RPS6KA2: variants seen among roughly 807,000 people sequenced by gnomAD.
The protein encoded by RPS6KA2 is ribosomal protein S6 kinase alpha-2.
RPS6KA2 carries 42 observed loss-of-function variants against 91.8 expected under a neutral mutation model. The observed-to-expected ratio is 0.46, with a 90% CI of 0.36 to 0.59. The LOEUF (loss-of-function observed/expected upper bound fraction) is 0.59, where lower values mean the gene tolerates loss of function less well. RPS6KA2 is among the 20% of genes least tolerant of loss of function. The probability of loss-of-function intolerance (pLI) is 0.00; values close to 1 mark genes in which losing one functional copy is unlikely to be tolerated. For missense variants in RPS6KA2, 798 were observed against 978.5 expected (o/e 0.82, Z 2.46); for synonymous variants, 414 against 393.6 (o/e 1.05, Z -0.61).
At chr6:166,860,579 T>C (rs573488959) in intron 1 of RPS6KA2, among the ~76,000 whole-genome samples, 1 of 152,284 alleles carries the variant, frequency 6.6e-6, no homozygotes, top group African/African-American at 2.4e-5. Flanking sequence ...GGGTCCCACC[T>C]GGAATTGTAA....
chr6:166,507,393 C>CAG (rs1382381103), intron 5 of RPS6KA2, among the ~76,000 whole-genome samples: 1 of 148,252 alleles, frequency 6.7e-6, no homozygotes, highest in African/African-American at 2.5e-5. Context: ...CACACACCCA[C>CAG]CCCACATCAC....
chr6:166,436,396 G>A (rs1016644146), intron 14 of RPS6KA2, among the ~76,000 whole-genome samples: 1 of 152,164 alleles, frequency 6.6e-6, no homozygotes, highest in Non-Finnish European at 1.5e-5. Context: ...GTTTGCAAAG[G>A]AGTAGAGTGG....
intron 2 of RPS6KA2, among the ~76,000 whole-genome samples, chr6:166,724,079 G>A (rs1024153339): frequency 6.6e-6 from 1 of 152,148 alleles, no homozygotes; most frequent in African/African-American, 2.4e-5. Flanking sequence ...TTTTCAGGGT[G>A]TGGATTTCTC....
intron 2 of RPS6KA2, among the ~76,000 whole-genome samples, chr6:166,744,650 G>A (rs1790929479): frequency 6.6e-6 from 1 of 152,196 alleles, no homozygotes; most frequent in Admixed American, 6.5e-5. Context: ...CTCCCGCGCT[G>A]CCCCTTCAGA....
At chr6:166,765,641 G>A (rs9347155) in intron 2 of RPS6KA2, among the ~76,000 whole-genome samples, 7,962 of 152,308 alleles carry the variant, frequency 0.052, 435 homozygotes, top group East Asian at 0.22. Context: ...TTAAAGTGGT[G>A]TAGAAGGTGT....
intron 2 of RPS6KA2, among the ~76,000 whole-genome samples, chr6:166,857,517 G>T (rs1780936977): frequency 6.6e-6 from 1 of 152,210 alleles, no homozygotes; most frequent in African/African-American, 2.4e-5. Context: ...GAGAACACCA[G>T]TGTTGCCGAG....
chr6:166,422,708 T>G (rs113717912), intron 17 of RPS6KA2, among the ~76,000 whole-genome samples: 5 of 152,298 alleles, frequency 3.3e-5, no homozygotes, highest in African/African-American at 1.2e-4. Flanking sequence ...CGAGCGGGGC[T>G]GGGAGCAGAC....
intron 2 of RPS6KA2, among the ~76,000 whole-genome samples, chr6:166,660,663 A>G (rs1353061236): frequency 6.6e-6 from 1 of 152,224 alleles, no homozygotes; most frequent in Non-Finnish European, 1.5e-5. Flanking sequence ...CATTTGGGTT[A>G]CATGAGAGTG....
Position 166,494,844 on chromosome 6 carries a change from C to A in RPS6KA2, c.747+3664G>T, listed in dbSNP as rs1345811579. On this transcript the variant is annotated intron_variant, in intron 8 of 20. Transcript: ENST00000265678. This position sits in a 1 kb window ranked among gnomAD's most constrained non-coding sequence, Gnocchi z 5.1. ...ACACATGAGGACCACTCCCTCAGCA[C>A]GCGGCCTCCAGGGTCTCAGCCTTCT... is the stretch of plus-strand genomic sequence containing the variant. Among the ~76,000 whole-genome samples the A allele has an allele frequency of 6.6e-6, 1 of 152,234 alleles. No homozygotes were observed. Among genetic ancestry groups the A allele is most frequent in the Non-Finnish European group, 1.5e-5 (1 of 68,040 alleles).
At chr6:166,860,139 T>A (rs900026280) in intron 1 of RPS6KA2, among the ~76,000 whole-genome samples, 1 of 51,516 alleles carries the variant, frequency 1.9e-5, no homozygotes, top group Admixed American at 3.1e-4. Context: ...TTTGGAAATT[T>A]CCTCAGAAAC....
chr6:166,432,994 C>CAAA (rs397728789), intron 14 of RPS6KA2, among the ~76,000 whole-genome samples: 1,049 of 82,702 alleles, frequency 0.013, 17 homozygotes, highest in African/African-American at 0.024. Flanking sequence ...GACTCTGTCT[C>CAAA]AAAAAAAAAA....
chr6:166,806,286 A>G lies in RPS6KA2; in HGVS notation c.123+51914T>C, dbSNP rs183694103. Among the ~76,000 whole-genome samples, 8 of 152,344 alleles carry G rather than the reference A, an allele frequency of 5.3e-5. No homozygotes were observed. The East Asian group carries it at 1.5e-3, about 29-fold the overall frequency. On this transcript the variant is annotated intron_variant, in intron 2 of 21. Transcript: ENST00000503859. ...TAGCATCCAAGAAATTCAACAAACT[A>G]CAAGTATGATGAACTCAGAGACTCA...
In RPS6KA2 at chr6:166,767,677, T is replaced by A. The variant is rs1283322331; in HGVS notation, c.123+90523A>T. On this transcript the variant is annotated intron_variant, in intron 2 of 21. Transcript: ENST00000503859. This position sits in a 1 kb window ranked among gnomAD's most constrained non-coding sequence, Gnocchi z 4.6. ...CTAAGTTGCTTTGCAAAGGACTGAG[T>A]TTGGGTCACCTCATTATTTTATTTG... 1.3e-5 allele frequency among the ~76,000 whole-genome samples: 2 copies of A among 151,918 alleles called. No homozygotes were observed. Among genetic ancestry groups the A allele is most frequent in the African/African-American group, 4.8e-5 (2 of 41,310 alleles).
intron 2 of RPS6KA2, among the ~76,000 whole-genome samples, chr6:166,857,092 C>A (rs996911180): frequency 2.0e-5 from 3 of 152,220 alleles, no homozygotes; most frequent in Non-Finnish European, 4.4e-5. Context: ...GTCATCGGAT[C>A]ATAAGATCCA....
rs143896961 is a variant in RPS6KA2, at chr6:166,509,374, G to A, written c.379+903C>T. On this transcript the variant is annotated intron_variant, in intron 4 of 20. Coordinates refer to ENST00000265678, the MANE Select transcript of RPS6KA2 (RefSeq NM_021135.6). ...TTGACACCAGCCACTTGGCAGCAGC[G>A]GAGGGGGCAGAGTTTTGGAAAGCCA... The A allele has an allele frequency of 2.1e-3, 351 of 170,364 alleles. 1 individual carries two copies. Among genetic ancestry groups the A allele is most frequent in the Non-Finnish European group, 3.0e-3 (207 of 68,320 alleles). 10.6% of individuals were successfully genotyped at this position (170,364 alleles called of 1,614,324 possible).
At chr6:166,836,195 T>C (rs1562464082) in intron 2 of RPS6KA2, among the ~76,000 whole-genome samples, 1 of 152,100 alleles carries the variant, frequency 6.6e-6, no homozygotes, top group African/African-American at 2.4e-5. Context: ...TCCTATAGTT[T>C]TCTGTTTTTG....
At position 166,498,570 on chromosome 6, in the gene RPS6KA2, C is replaced by G; in HGVS notation, c.685G>C (p.Glu229Gln). 2 of 1,613,872 alleles carry G rather than the reference C, an allele frequency of 1.2e-6. No individual in the cohort carries two copies. Among genetic ancestry groups the G allele is most frequent in the Non-Finnish European group, 1.7e-6 (2 of 1,179,992 alleles). The part of the protein sequence containing the change: ...FCGTIEYMAP[E>Q]VVNRRGHTQS... ...GTGTGTCCTCGCCGGTTCACCACCT[C>G]GGGCGCCATGTACTCGATCGTCCCG... The change falls in exon 8 of 21, where the codon GAG (glutamate) becomes CAG (glutamine). Residue 229 changes from glutamate to glutamine, a missense_variant. Coordinates refer to ENST00000265678, the MANE Select transcript of RPS6KA2 (RefSeq NM_021135.6).
intron 1 of RPS6KA2, among the ~76,000 whole-genome samples, chr6:166,565,346 TGC>T (rs1316714390): frequency 2.0e-5 from 3 of 152,262 alleles, no homozygotes; most frequent in Non-Finnish European, 4.4e-5. Flanking sequence ...TTCTGCGGTG[TGC>T]TTCAGCCATT....
intron 17 of RPS6KA2, among the ~76,000 whole-genome samples, chr6:166,422,760 C>T (rs921440861): frequency 2.0e-5 from 3 of 152,160 alleles, no homozygotes; most frequent in East Asian, 1.9e-4. Flanking sequence ...CAAATCACCC[C>T]GGAGCCCTGC....
Sources: gnomAD v4.1 joint callset for allele counts (sites outside exome capture counted in the v4.1 genomes callset) on GRCh38, gnomAD v4.1.1 for gene constraint, Gnocchi (gnomAD v3.1) non-coding constraint, MANE v1.5 for transcripts, NCBI Gene and HGNC (gene_info 2026-07-23, HGNC 2026-07-21) for gene names.